Variants in KLHL13 observed in about 807,000 individuals in gnomAD.
KLHL13 encodes the protein kelch-like protein 13.
In KLHL13, 10 loss-of-function variants were observed where a neutral mutation model predicts 37.1. That is an observed-to-expected ratio of 0.27 (90% CI 0.17 to 0.46). The LOEUF is 0.46. KLHL13 is among the 20% of genes least tolerant of loss of function. The pLI is 1.00. For synonymous variants in KLHL13, 163 were observed against 181.2 expected, an observed-to-expected ratio of 0.90 and a Z score of 0.81; for missense variants, 360 against 509.3, an observed-to-expected ratio of 0.71 and a Z score of 2.82.
At chrX:117,972,413 A>C (rs2053539371) in intron 1 of KLHL13, among the ~76,000 whole-genome samples, 1 of 112,823 alleles carries the variant, frequency 8.9e-6, no homozygotes, top group Non-Finnish European at 1.9e-5. Flanking sequence ...TAAGTGTTTT[A>C]GATATTCAAA....
intron 1 of KLHL13, among the ~76,000 whole-genome samples, chrX:118,093,539 C>G (rs957227697): frequency 1.4e-4 from 16 of 111,830 alleles, no homozygotes; most frequent in Admixed American, 1.3e-3. Context: ...GTAATGAATA[C>G]ACAGGATGTG....
intron 1 of KLHL13, among the ~76,000 whole-genome samples, chrX:118,110,367 A>ATTTCTT (rs2055395519): frequency 1.1e-5 from 1 of 88,754 alleles, no homozygotes; most frequent in African/African-American, 4.3e-5. Flanking sequence ...CTACTTTTCT[A>ATTTCTT]TTTCTTTTTC....
chrX:117,999,839 G>A (rs753960206), intron 1 of KLHL13, among the ~76,000 whole-genome samples: 2 of 111,485 alleles, frequency 1.8e-5, no homozygotes, highest in South Asian at 3.8e-4. Flanking sequence ...GAGAAATACT[G>A]TTTTTAAGCA....
chrX:117,905,514 C>T (rs1408830526), intron 5 of KLHL13, among the ~76,000 whole-genome samples: 1 of 111,795 alleles, frequency 8.9e-6, no homozygotes, highest in African/African-American at 3.3e-5. Flanking sequence ...TGCACACACA[C>T]ACACACACAC....
At position 118,103,435 on chromosome X, in the gene KLHL13, T is replaced by C. The variant is rs189651231; in HGVS notation, c.-56+13073A>G. Among the ~76,000 whole-genome samples, 349 of 111,419 alleles carry C rather than the reference T, an allele frequency of 3.1e-3. 2 individuals carry two copies. Among genetic ancestry groups the C allele is most frequent in the Non-Finnish European group, 5.6e-3 (295 of 53,093 alleles). ...CTTCAACTAAAACTACTTTGGCCCC[T>C]GAGTAGAAACAACCCAAGTAGATAA... On this transcript the variant is annotated intron_variant, in intron 1 of 6. Transcript: ENST00000371882.
chrX:118,037,578 A>G (rs1165552985), intron 1 of KLHL13, among the ~76,000 whole-genome samples: 1 of 90,779 alleles, frequency 1.1e-5, no homozygotes, highest in South Asian at 6.0e-4. Flanking sequence ...GGAACATCAC[A>G]CTCTGGGGAC....
intron 2 of KLHL13, among the ~76,000 whole-genome samples, chrX:117,926,902 T>TGAGA (rs1315727077): frequency 1.9e-5 from 1 of 51,848 alleles, no homozygotes; most frequent in Non-Finnish European, 3.4e-5. Flanking sequence ...TTTTTTTTTT[T>TGAGA]TTTTTTTTTT....
intron 1 of KLHL13, among the ~76,000 whole-genome samples, chrX:117,958,027 T>C (rs1053395744): frequency 2.7e-5 from 3 of 111,852 alleles, no homozygotes; most frequent in Non-Finnish European, 5.6e-5. Context: ...TTACTTTCAG[T>C]CTGTGCCAGT....
rs777415966 is a variant in KLHL13, at chrX:117,916,650, T to C, written c.570+2871A>G. 6.2e-5 allele frequency among the ~76,000 whole-genome samples: 7 copies of C among 112,110 alleles called. No homozygotes were observed. The East Asian group carries it at 2.0e-3, about 31-fold the overall frequency. On this transcript the variant is annotated intron_variant, in intron 4 of 6. Coordinates refer to ENST00000262820, the Ensembl canonical transcript of KLHL13. ...TTCTAGGTTCTTTACTGATTCGCAT[T>C]TTACATACCACTGTTACTGATTCAC...
At chrX:118,025,220 A>T (rs749936291) in intron 1 of KLHL13, among the ~76,000 whole-genome samples, 161 of 111,719 alleles carry the variant, frequency 1.4e-3, no homozygotes, top group Non-Finnish European at 2.1e-3. Context: ...AGCCCAGATG[A>T]TAGTACAGTA....
At chrX:117,974,688 T>C (rs761473886), upstream of KLHL13, among the ~76,000 whole-genome samples, 16 of 112,032 alleles carry the variant, frequency 1.4e-4, no homozygotes, top group Non-Finnish European at 2.8e-4. Context: ...ACTATTTTCC[T>C]GTGAAGCACA....
intron 2 of KLHL13, among the ~76,000 whole-genome samples, chrX:117,945,123 G>A (rs1034764580): frequency 5.4e-5 from 6 of 111,634 alleles, no homozygotes; most frequent in Non-Finnish European, 1.1e-4. Flanking sequence ...TGGCATACTG[G>A]CAAAATGTCC....
At chrX:118,043,194 A>G (rs2054523611) in intron 1 of KLHL13, among the ~76,000 whole-genome samples, 1 of 111,583 alleles carries the variant, frequency 9.0e-6, no homozygotes, top group African/African-American at 3.2e-5. Context: ...CCATGAAAAA[A>G]TCCAAAACCT....
At chrX:117,992,234 T>TAAAA (rs773486522) in intron 1 of KLHL13, among the ~76,000 whole-genome samples, 4 of 83,997 alleles carry the variant, frequency 4.8e-5, no homozygotes, top group African/African-American at 1.8e-4. Context: ...AACTGAGATG[T>TAAAA]AAAAAAAAAA....
intron 1 of KLHL13, among the ~76,000 whole-genome samples, chrX:118,055,046 C>T (rs1431461354): frequency 9.0e-6 from 1 of 111,197 alleles, no homozygotes; most frequent in Admixed American, 9.6e-5. Flanking sequence ...GCAGAAATCA[C>T]CATGTTACTA....
intron 1 of KLHL13, chrX:117,946,897 T>A (rs1658219217): frequency 8.9e-6 from 1 of 111,817 alleles, no homozygotes; most frequent in South Asian, 3.7e-4. Flanking sequence ...TTGCAATAAT[T>A]AGCAAAAATT....
chrX:118,064,962 C>A (rs2054780379), intron 1 of KLHL13, among the ~76,000 whole-genome samples: 2 of 111,481 alleles, frequency 1.8e-5, no homozygotes, highest in Non-Finnish European at 3.8e-5. Context: ...TTTAATATAT[C>A]TAAATGAAAA....
At chrX:118,038,953 C>T (rs1276131585) in intron 1 of KLHL13, among the ~76,000 whole-genome samples, 1 of 111,917 alleles carries the variant, frequency 8.9e-6, no homozygotes, top group Non-Finnish European at 1.9e-5. Flanking sequence ...AACTTGCATA[C>T]TAGCTTACCT....
At chrX:117,932,456 T>G in intron 2 of KLHL13, among the ~76,000 whole-genome samples, 1 of 111,247 alleles carries the variant, frequency 9.0e-6, no homozygotes, top group Non-Finnish European at 1.9e-5. Flanking sequence ...ATTGCCTGAT[T>G]TATTTCACTT....
Sources: gnomAD v4.1 joint callset for allele counts (sites outside exome capture counted in the v4.1 genomes callset) on GRCh38, gnomAD v4.1.1 for gene constraint, MANE v1.5 for transcripts, NCBI Gene and HGNC (gene_info 2026-07-23, HGNC 2026-07-21) for gene names.